Variants in INPP5A observed in about 807,000 individuals in gnomAD.
INPP5A encodes the protein 43 kDa inositol polyphosphate 5-phophatase.
INPP5A carries 14 observed loss-of-function variants against 65.2 expected under a neutral mutation model. The ratio of observed to expected loss-of-function variants is 0.21; its 90% CI spans 0.14 to 0.34. INPP5A has a LOEUF of 0.34. INPP5A is among the 10% of genes least tolerant of loss of function. INPP5A has a pLI of 1.00. For missense variants in INPP5A, 431 were observed against 545.6 expected (o/e 0.79, Z 2.09); for synonymous variants, 207 against 208.3 (o/e 0.99, Z 0.05).
chr10:132,719,995 A>C (rs1453447048), intron 8 of INPP5A, among the ~76,000 whole-genome samples: 4 of 121,574 alleles, frequency 3.3e-5, no homozygotes, highest in East Asian at 2.7e-4. Flanking sequence ...AGCTGTCTTC[A>C]GGGTTCTGTG....
chr10:132,754,272 G>A (rs929124966), intron 11 of INPP5A, among the ~76,000 whole-genome samples: 4 of 152,260 alleles, frequency 2.6e-5, no homozygotes, highest in Admixed American at 6.5e-5. Flanking sequence ...TAAAGACCGC[G>A]TGTTTGGAGT....
intron 4 of INPP5A, among the ~76,000 whole-genome samples, chr10:132,654,107 G>A (rs1294565661): frequency 1.3e-5 from 2 of 152,238 alleles, no homozygotes; most frequent in Admixed American, 1.3e-4. Context: ...TCACCCTCAC[G>A]ATGAGGGTTT....
intron 8 of INPP5A, among the ~76,000 whole-genome samples, chr10:132,711,179 C>T (rs1845630744): frequency 6.6e-6 from 1 of 152,196 alleles, no homozygotes; most frequent in Non-Finnish European, 1.5e-5. Context: ...TGGGGGCCAC[C>T]TCCACCTGCG....
chr10:132,682,793 A>G (rs1369751418), intron 4 of INPP5A, among the ~76,000 whole-genome samples: 7 of 151,738 alleles, frequency 4.6e-5, no homozygotes, highest in Admixed American at 1.3e-4. Context: ...TGTTTAATCT[A>G]CGTGTACACG....
At chr10:132,568,108 T>C (rs2071294032) in intron 1 of INPP5A, among the ~76,000 whole-genome samples, 1 of 151,168 alleles carries the variant, frequency 6.6e-6, no homozygotes, top group Non-Finnish European at 1.5e-5. Flanking sequence ...GGAGAATTGC[T>C]TGAACCTAGG....
intron 1 of INPP5A, among the ~76,000 whole-genome samples, chr10:132,599,438 G>A (rs1311875289): frequency 6.6e-6 from 1 of 152,262 alleles, no homozygotes; most frequent in Non-Finnish European, 1.5e-5. Context: ...TGCAAGAGGT[G>A]TGCTCCCACG....
chr10:132,692,186 C>T (rs1379850039), intron 5 of INPP5A, among the ~76,000 whole-genome samples: 2 of 152,062 alleles, frequency 1.3e-5, no homozygotes, highest in African/African-American at 4.8e-5. Flanking sequence ...CATGTGCACA[C>T]GCGGCTGAGG....
chr10:132,621,615 G>A (rs918148774), intron 2 of INPP5A, among the ~76,000 whole-genome samples: 2 of 152,132 alleles, frequency 1.3e-5, no homozygotes, highest in South Asian at 2.1e-4. Flanking sequence ...ATGTGAGGGG[G>A]TAGAGGAATA....
At chr10:132,781,771 G>A (rs1252335109) in intron 14 of INPP5A, 90 bp from the exon 15 acceptor site, 8 of 1,061,056 alleles carry the variant, frequency 7.5e-6, no homozygotes, top group Middle Eastern at 2.8e-4. Flanking sequence ...CTGGTGAGAC[G>A]CAGGGTCTGG....
chr10:132,600,524 C>T (rs541435106), intron 1 of INPP5A, among the ~76,000 whole-genome samples: 18 of 152,304 alleles, frequency 1.2e-4, no homozygotes, highest in African/African-American at 9.6e-5. Context: ...ATTTTCCTGT[C>T]GTCTTCTCAT....
intron 2 of INPP5A, among the ~76,000 whole-genome samples, chr10:132,643,144 G>GT (rs910063691): frequency 5.1e-4 from 77 of 152,000 alleles, no homozygotes; most frequent in Non-Finnish European, 1.0e-3. Flanking sequence ...ATATAGGGGG[G>GT]TTTTTTTCTC....
At position 132,538,300 on chromosome 10, in the gene INPP5A, T is replaced by C; in HGVS notation, c.75+129T>C. The stretch of plus-strand genomic sequence containing the variant: ...CCCAGAGGCCCCAGACTCTGATCCC[T>C]GTACCCGGGACCCCAGACTCCTGTC... On this transcript the variant is annotated intron_variant, in intron 1 of 15. Coordinates refer to ENST00000368594, the MANE Select transcript of INPP5A (RefSeq NM_005539.5). This position sits in a 1 kb window ranked among gnomAD's most constrained non-coding sequence, Gnocchi z 4.1. 2.6e-6 allele frequency: 1 copy of C among 385,584 alleles called. No homozygotes were observed. The highest frequency in any genetic ancestry group is 4.1e-6 in the Non-Finnish European group (1 of 245,152). The allele number at this position is 385,584 out of a possible 1,614,324, so 23.9% of individuals were successfully genotyped here. A position where few individuals can be genotyped will look rare whatever the true frequency, so the allele number is the denominator to read the frequency against.
chr10:132,595,332 T>C (rs2071672505), intron 1 of INPP5A, among the ~76,000 whole-genome samples: 1 of 141,344 alleles, frequency 7.1e-6, no homozygotes. Flanking sequence ...TATTTTGTGT[T>C]CAATCCATTT....
intron 12 of INPP5A, among the ~76,000 whole-genome samples, chr10:132,773,459 T>G (rs1846991020): frequency 6.6e-6 from 1 of 152,184 alleles, no homozygotes; most frequent in Non-Finnish European, 1.5e-5. Context: ...ACACATATAT[T>G]TTTAAATTAG....
chr10:132,638,323 T>G lies in INPP5A; in HGVS notation c.118-7545T>G, dbSNP rs572886938. Among the ~76,000 whole-genome samples, 4 of 152,280 alleles carry G rather than the reference T, an allele frequency of 2.6e-5. No individual in the cohort carries two copies. The South Asian group carries it at 8.3e-4, about 32-fold the overall frequency. ...TTGTGTTCCAACCCACGCTCGGATG[T>G]GCTGGGATGCTCTTCCAGAATCTTC... On this transcript the variant is annotated intron_variant, in intron 2 of 15. Transcript: ENST00000368594.
At chr10:132,552,765 A>G in intron 1 of INPP5A, among the ~76,000 whole-genome samples, 1 of 144,216 alleles carries the variant, frequency 6.9e-6, no homozygotes, top group South Asian at 2.3e-4. Context: ...GCCTTCTCAG[A>G]GCCTTGGGGG....
chr10:132,539,871 A>G (rs1446656674), intron 1 of INPP5A, among the ~76,000 whole-genome samples: 2 of 152,206 alleles, frequency 1.3e-5, no homozygotes, highest in Admixed American at 6.5e-5. Context: ...GTTTTTATTA[A>G]CAAAAGGCGC....
chr10:132,561,842 G>A (rs368398996), intron 1 of INPP5A, among the ~76,000 whole-genome samples: 1 of 152,054 alleles, frequency 6.6e-6, no homozygotes, highest in East Asian at 1.9e-4. Context: ...GGTTGCGTTG[G>A]ATCTGTAGAT....
At chr10:132,556,910 T>C (rs1458653402) in intron 1 of INPP5A, among the ~76,000 whole-genome samples, 1 of 152,232 alleles carries the variant, frequency 6.6e-6, no homozygotes, top group Non-Finnish European at 1.5e-5. Context: ...TCTGTCATTG[T>C]GCTCCCTGAT....
Sources: gnomAD v4.1 joint callset for allele counts (sites outside exome capture counted in the v4.1 genomes callset) on GRCh38, gnomAD v4.1.1 for gene constraint, Gnocchi (gnomAD v3.1) non-coding constraint, MANE v1.5 for transcripts, NCBI Gene and HGNC (gene_info 2026-07-23, HGNC 2026-07-21) for gene names.